The following CCSER1 variants were observed in gnomAD, a reference collection of about 807,000 sequenced individuals.
The protein encoded by CCSER1 is coiled-coil serine rich protein 1.
CCSER1 carries 41 observed loss-of-function variants against 82.0 expected under a neutral mutation model. The observed-to-expected ratio is 0.50, with a 90% CI of 0.39 to 0.65. The LOEUF is 0.65. Ranked by LOEUF, CCSER1 falls within the 30% of genes least tolerant of loss-of-function variation. CCSER1 has a pLI of 0.00. For missense variants in CCSER1, 1,119 were observed against 1,064.2 expected, an observed-to-expected ratio of 1.05 and a Z score of -0.72; for synonymous variants, 414 against 383.9, an observed-to-expected ratio of 1.08 and a Z score of -0.92.
chr4:91,288,115 T>TATAGGATATA (rs1405505988), intron 10 of CCSER1, among the ~76,000 whole-genome samples: 1 of 56,430 alleles, frequency 1.8e-5, no homozygotes, highest in African/African-American at 5.8e-5. Flanking sequence ...AGGATATATA[T>TATAGGATATA]ATATACACAC....
chr4:90,926,606 T>C (rs1289364899), intron 9 of CCSER1, among the ~76,000 whole-genome samples: 1 of 152,022 alleles, frequency 6.6e-6, no homozygotes. Flanking sequence ...TCAGGAGACA[T>C]GAAACTAATG....
In CCSER1 at chr4:91,069,182, T is replaced by A. The variant is rs114512247; in HGVS notation, c.2173-16768T>A. On this transcript the variant is annotated intron_variant, in intron 9 of 10. Coordinates refer to ENST00000509176, the MANE Select transcript of CCSER1 (RefSeq NM_001145065.2). Reference sequence around the variant, plus strand: ...CATCTCAAAAAAAATAAATAAAAAATAAAAATTTTGATTTTCTAAAAGACA... The same window carrying A: ...CATCTCAAAAAAAATAAATAAAAAAAAAAAATTTTGATTTTCTAAAAGACA... Among the ~76,000 whole-genome samples the A allele has an allele frequency of 2.9e-3, 437 of 152,000 alleles. 4 individuals are homozygous for A. Among genetic ancestry groups the A allele is most frequent in the African/African-American group, 0.01 (420 of 41,494 alleles).
intron 7 of CCSER1, among the ~76,000 whole-genome samples, chr4:90,789,365 T>G (rs1754934377): frequency 6.6e-6 from 1 of 152,202 alleles, no homozygotes; most frequent in South Asian, 2.1e-4. Flanking sequence ...TTGTTTTCAT[T>G]TTTCTTCACA....
intron 5 of CCSER1, among the ~76,000 whole-genome samples, chr4:90,490,365 G>A (rs1273581479): frequency 1.3e-5 from 2 of 151,882 alleles, no homozygotes; most frequent in African/African-American, 2.4e-5. Context: ...TTTTTGATGG[G>A]GTTGTTTGTT....
chr4:91,150,477 C>A (rs1020749908), intron 10 of CCSER1, among the ~76,000 whole-genome samples: 2 of 152,284 alleles, frequency 1.3e-5, no homozygotes, highest in African/African-American at 4.8e-5. Flanking sequence ...TTATTTCTTT[C>A]TCCTGCCTGA....
At chr4:91,132,062 CA>C (rs1728045921) in intron 10 of CCSER1, among the ~76,000 whole-genome samples, 1 of 151,946 alleles carries the variant, frequency 6.6e-6, no homozygotes, top group Admixed American at 6.6e-5. Context: ...AATAACAAAA[CA>C]ACTCCAGATT....
At chr4:90,868,725 G>A (rs1397275322) in intron 8 of CCSER1, among the ~76,000 whole-genome samples, 1 of 151,986 alleles carries the variant, frequency 6.6e-6, no homozygotes, top group Non-Finnish European at 1.5e-5. Context: ...CCCAGCAGTG[G>A]GATTGCTAGA....
At chr4:90,654,922 A>G (rs780105735) in intron 6 of CCSER1, among the ~76,000 whole-genome samples, 8 of 152,082 alleles carry the variant, frequency 5.3e-5, no homozygotes, top group Non-Finnish European at 7.4e-5. Flanking sequence ...TTGTCATCAG[A>G]AATTTTAATT....
intron 1 of CCSER1, among the ~76,000 whole-genome samples, chr4:90,233,019 G>A (rs1029533758): frequency 3.3e-5 from 5 of 151,902 alleles, no homozygotes; most frequent in Non-Finnish European, 7.4e-5. Context: ...CTTTGACACT[G>A]TTGGTGGGAC....
chr4:91,176,645 C>G (rs1044553194), intron 10 of CCSER1, among the ~76,000 whole-genome samples: 19 of 152,266 alleles, frequency 1.2e-4, no homozygotes, highest in South Asian at 6.2e-4. Context: ...TATAAGAATG[C>G]TTGTGATTTT....
chr4:90,810,127 A>G (rs6844459), intron 7 of CCSER1, among the ~76,000 whole-genome samples: 51,587 of 151,754 alleles, frequency 0.34, 8,975 homozygotes, highest in East Asian at 0.42. Context: ...GAATTTGAGC[A>G]TCTTCTTTTT....
chr4:90,484,841 A>G (rs1423450052), intron 5 of CCSER1, among the ~76,000 whole-genome samples: 2 of 152,118 alleles, frequency 1.3e-5, no homozygotes, highest in African/African-American at 2.4e-5. Flanking sequence ...TCTTGAGGAG[A>G]CAGTCTGCTC....
At chr4:90,528,388 C>G (rs1356184738) in intron 5 of CCSER1, among the ~76,000 whole-genome samples, 1 of 152,116 alleles carries the variant, frequency 6.6e-6, no homozygotes, top group Non-Finnish European at 1.5e-5. Context: ...AACAGCCACA[C>G]TACCTAAAGT....
At chr4:91,533,270 G>A (rs981652155) in intron 10 of CCSER1, among the ~76,000 whole-genome samples, 3 of 152,102 alleles carry the variant, frequency 2.0e-5, no homozygotes, top group African/African-American at 7.2e-5. Context: ...TGATTAATGT[G>A]TATGAGTTAA....
At chr4:90,973,869 A>G (rs1735354146) in intron 9 of CCSER1, among the ~76,000 whole-genome samples, 1 of 151,514 alleles carries the variant, frequency 6.6e-6, no homozygotes, top group African/African-American at 2.4e-5. Flanking sequence ...TCATTCAGTC[A>G]TAAAAAAGAA....
intron 1 of CCSER1, among the ~76,000 whole-genome samples, chr4:90,143,236 T>C (rs1725137041): frequency 6.6e-6 from 1 of 152,086 alleles, no homozygotes; most frequent in African/African-American, 2.4e-5. Flanking sequence ...GGTCTCCCAT[T>C]CCTGCCGTAT....
chr4:91,343,372 C>G (rs1206459981), intron 10 of CCSER1, among the ~76,000 whole-genome samples: 4 of 152,116 alleles, frequency 2.6e-5, no homozygotes, highest in Admixed American at 6.5e-5. Context: ...CATGTTTTCC[C>G]TTTGCTCAGA....
At chr4:90,811,995 C>CACACACACATATATATATATAT (rs367800484) in intron 7 of CCSER1, among the ~76,000 whole-genome samples, 31 of 142,766 alleles carry the variant, frequency 2.2e-4, no homozygotes, top group Non-Finnish European at 2.9e-4. Context: ...TATATAAACA[C>CACACACACATATATATATATAT]ATATATATAT....
intron 10 of CCSER1, among the ~76,000 whole-genome samples, chr4:91,166,859 A>AT (rs879336218): frequency 1.3e-5 from 2 of 152,048 alleles, no homozygotes; most frequent in Non-Finnish European, 2.9e-5. Context: ...GGCAGAAATA[A>AT]TTTTTTTTAA....
Sources: allele counts gnomAD v4.1 joint callset (sites outside exome capture counted in the v4.1 genomes callset), GRCh38; gene constraint gnomAD v4.1.1; transcripts MANE v1.5; gene names NCBI Gene and HGNC (gene_info 2026-07-23, HGNC 2026-07-21).